Variants in NECAB1 observed in about 807,000 individuals in gnomAD.
The protein encoded by NECAB1 is N-terminal EF-hand calcium binding protein 1.
In NECAB1, 29 loss-of-function variants were observed where a neutral mutation model predicts 57.5. The observed-to-expected ratio is 0.50, with a 90% CI of 0.38 to 0.69. NECAB1 has a LOEUF of 0.69. NECAB1 is among the 30% of genes least tolerant of loss of function. The pLI is 0.00. For synonymous variants in NECAB1, 142 were observed against 147.7 expected (o/e 0.96, Z 0.28); for missense variants, 372 against 413.8 (o/e 0.90, Z 0.88).
In NECAB1 at chr8:90,848,008, G is replaced by A. The variant is rs180873364; in HGVS notation, c.233+23183G>A. Among the ~76,000 whole-genome samples, 6 of 152,340 alleles carry A rather than the reference G, an allele frequency of 3.9e-5. No individual in the cohort carries two copies. The East Asian group carries it at 9.6e-4, about 24-fold the overall frequency. On this transcript the variant is annotated intron_variant, in intron 3 of 12. Transcript: ENST00000417640. ...GTTACTTATGCAAATTTCTGTAGCA[G>A]GCTTGAATTTCTCCCCAGAAAATGG...
At chr8:90,809,666 T>C (rs147010112) in intron 2 of NECAB1, among the ~76,000 whole-genome samples, 1 of 152,364 alleles carries the variant, frequency 6.6e-6, no homozygotes, top group African/African-American at 2.4e-5. Flanking sequence ...TTAACTTCTT[T>C]ATGGTTATGA....
chr8:90,796,378 GA>G (rs1421807407), intron 1 of NECAB1, among the ~76,000 whole-genome samples: 2 of 152,162 alleles, frequency 1.3e-5, no homozygotes, highest in Admixed American at 1.3e-4. Context: ...AGTTTCTCAG[GA>G]ATCTACCAAG....
Position 90,827,211 on chromosome 8 carries a change from G to C in NECAB1, c.233+2386G>C, listed in dbSNP as rs368561132. ...TCTCCTTCCACTCACCTTCTAAGAA[G>C]ATAAGTTTTCCTCCAAATCCTGCCT... On this transcript the variant is annotated intron_variant, in intron 3 of 12. Coordinates refer to ENST00000417640, the MANE Select transcript of NECAB1 (RefSeq NM_022351.5). Among the ~76,000 whole-genome samples, 5 of 152,078 alleles carry C rather than the reference G, an allele frequency of 3.3e-5. No homozygotes were observed. The East Asian group carries it at 9.7e-4, about 29-fold the overall frequency.
rs996228167 is a variant in NECAB1 at position 90,954,497 on chromosome 8, A to G, written c.1031-990A>G. ...CAGAAAAACCTACGGTTATGGGAAA[A>G]CAGGATACAAAAAAAAAGATCCTAT... On this transcript the variant is annotated intron_variant, in intron 12 of 12. Transcript: ENST00000417640. Among the ~76,000 whole-genome samples, 17 of 152,176 alleles carry G rather than the reference A, an allele frequency of 1.1e-4. 1 individual carries two copies. In the East Asian group the frequency reaches 2.7e-3, roughly 24 times the overall value.
chr8:90,828,131 G>GTTTTTTTT (rs397961666), intron 3 of NECAB1, among the ~76,000 whole-genome samples: 3 of 143,498 alleles, frequency 2.1e-5, no homozygotes, highest in African/African-American at 5.1e-5. Context: ...GTTCACTGCA[G>GTTTTTTTT]TTTTTTTTTT....
At chr8:90,810,998 A>T (rs1283682812) in intron 2 of NECAB1, among the ~76,000 whole-genome samples, 1 of 148,528 alleles carries the variant, frequency 6.7e-6, no homozygotes, top group African/African-American at 2.5e-5. Context: ...CCCAGGCTGG[A>T]GCGCAGTGGT....
chr8:90,893,320 G>C (rs1014947147), intron 5 of NECAB1, among the ~76,000 whole-genome samples: 4 of 152,038 alleles, frequency 2.6e-5, no homozygotes, highest in African/African-American at 9.7e-5. Context: ...CTTTTTACTT[G>C]TCTGTCATCC....
chr8:90,945,485 C>T (rs1810782671), intron 10 of NECAB1, among the ~76,000 whole-genome samples: 1 of 152,170 alleles, frequency 6.6e-6, no homozygotes, highest in African/African-American at 2.4e-5. Flanking sequence ...CAGGAGTGAG[C>T]CACCGTGCCC....
At chr8:90,817,967 A>T (rs1015627512) in intron 2 of NECAB1, among the ~76,000 whole-genome samples, 22 of 151,888 alleles carry the variant, frequency 1.4e-4, no homozygotes, top group Non-Finnish European at 3.1e-4. Context: ...GTTATTAATA[A>T]CTGATTATTT....
At position 90,902,512 on chromosome 8, in the gene NECAB1, C is replaced by T. The variant is rs556540757; in HGVS notation, c.358-14980C>T. 2.4e-4 allele frequency among the ~76,000 whole-genome samples: 37 copies of T among 152,182 alleles called. 1 individual carries two copies. The South Asian group carries it at 6.0e-3, about 25-fold the overall frequency. On this transcript the variant is annotated intron_variant, in intron 5 of 12. Transcript: ENST00000417640. The stretch of plus-strand genomic sequence containing the variant: ...TTGTACTTACTAATGCAAAGGGGCT[C>T]TCTGTCTCTCTTCATGTGTGTATAA...
chr8:90,952,888 G>T (rs143193205), intron 12 of NECAB1, among the ~76,000 whole-genome samples: 193 of 152,136 alleles, frequency 1.3e-3, no homozygotes, highest in Non-Finnish European at 2.2e-3. Flanking sequence ...TAGAATGCAG[G>T]AAAGTGAGAT....
At chr8:90,875,487 CAAAAAAA>C (rs35777818) in intron 4 of NECAB1, among the ~76,000 whole-genome samples, 1 of 41,490 alleles carries the variant, frequency 2.4e-5, no homozygotes, top group East Asian at 1.3e-3. Context: ...GACTCCGTCT[CAAAAAAA>C]AAAAAAAAAA....
intron 8 of NECAB1, among the ~76,000 whole-genome samples, chr8:90,933,958 AG>A (rs1810470848): frequency 6.6e-6 from 1 of 152,194 alleles, no homozygotes; most frequent in African/African-American, 2.4e-5. Context: ...GCAGACTGTT[AG>A]GCTTAGTCAT....
At chr8:90,876,359 A>G (rs1486341949) in intron 4 of NECAB1, among the ~76,000 whole-genome samples, 1 of 152,154 alleles carries the variant, frequency 6.6e-6, no homozygotes, top group East Asian at 1.9e-4. Flanking sequence ...TATTCAGAAC[A>G]TGCGGGTTTT....
chr8:90,811,898 A>G (rs1811966807), intron 2 of NECAB1, among the ~76,000 whole-genome samples: 1 of 152,222 alleles, frequency 6.6e-6, no homozygotes, highest in Non-Finnish European at 1.5e-5. Flanking sequence ...CCTTAAAGCA[A>G]CAACTGAGGG....
At position 90,791,870 on chromosome 8, in the gene NECAB1, C is replaced by A. The variant is rs1391330008; in HGVS notation, c.-17C>A. Reference sequence around the variant, plus strand: ...CGCCTAGCCCCGCTCCGCCTGAGGCCGTCAGGGCTCCCGAGGATGGAAGAT... The same window carrying A: ...CGCCTAGCCCCGCTCCGCCTGAGGCAGTCAGGGCTCCCGAGGATGGAAGAT... On this transcript the variant is annotated 5_prime_UTR_variant, in exon 1 of 13. Coordinates refer to ENST00000417640, the MANE Select transcript of NECAB1 (RefSeq NM_022351.5). The A allele has an allele frequency of 1.9e-6, 3 of 1,545,570 alleles. No individual in the cohort carries two copies. The highest frequency in any genetic ancestry group is 2.6e-6 in the Non-Finnish European group (3 of 1,143,686).
intron 3 of NECAB1, among the ~76,000 whole-genome samples, chr8:90,837,797 A>G (rs889407541): frequency 5.3e-5 from 8 of 152,190 alleles, no homozygotes; most frequent in Non-Finnish European, 1.2e-4. Context: ...CTTGAGCTTG[A>G]CAAATCATTA....
intron 2 of NECAB1, among the ~76,000 whole-genome samples, chr8:90,809,763 T>C (rs73695941): frequency 0.015 from 2,255 of 151,934 alleles, 52 homozygotes; most frequent in African/African-American, 0.05. Flanking sequence ...TCTGTTGATC[T>C]AGTAATAAGT....
At chr8:90,906,901 A>ATATGTATG (rs1563528349) in intron 5 of NECAB1, among the ~76,000 whole-genome samples, 1 of 139,286 alleles carries the variant, frequency 7.2e-6, no homozygotes, top group African/African-American at 2.9e-5. Context: ...ATATATATAT[A>ATATGTATG]TATATATATC....
Sources: gnomAD v4.1 joint callset for allele counts (sites outside exome capture counted in the v4.1 genomes callset) on GRCh38, gnomAD v4.1.1 for gene constraint, MANE v1.5 for transcripts, NCBI Gene and HGNC (gene_info 2026-07-23, HGNC 2026-07-21) for gene names.